KCNH6: variants seen among roughly 807,000 people sequenced by gnomAD.
KCNH6 encodes potassium voltage-gated channel subfamily H member 6.
A neutral mutation model predicts 83.4 loss-of-function variants in KCNH6; 81 were observed. That is an observed-to-expected ratio of 0.97 (90% CI 0.81 to 1.17). The LOEUF (loss-of-function observed/expected upper bound fraction) is 1.17. Among genes scored for constraint, KCNH6 ranks in the 50% most tolerant of loss-of-function variants. The probability of loss-of-function intolerance (pLI) is 0.00; values close to 1 mark genes in which losing one functional copy is unlikely to be tolerated. For synonymous variants in KCNH6, 503 were observed against 545.6 expected (o/e 0.92, Z 1.09); for missense variants, 1,203 against 1,290.5 (o/e 0.93, Z 1.04).
intron 4 of KCNH6, among the ~76,000 whole-genome samples, chr17:63,530,937 G>GT (rs2032065572): frequency 6.6e-6 from 1 of 152,130 alleles, no homozygotes; most frequent in Non-Finnish European, 1.5e-5. Flanking sequence ...AGGAGAGCTG[G>GT]TGTGGGGGGG....
chr17:63,542,353 T>A lies in KCNH6; in HGVS notation c.2067T>A (p.Asp689Glu). The change falls in exon 9 of 13, where the codon GAT (aspartate) becomes GAA (glutamate). Residue 689 changes from aspartate (D) to glutamate (E), a missense_variant. Physicochemically the swap from Asp to Glu is conservative, Grantham distance 45 (BLOSUM62 2). Coordinates refer to ENST00000314672, the MANE Select transcript of KCNH6 (RefSeq NM_001278919.2). ...YCDLHKIQRADLLEVLDMYPA... is the reference protein window; with the variant it reads ...YCDLHKIQRAELLEVLDMYPA... ...ACCTGCACAAGATCCAGCGGGCAGATCTGCTGGAGGTGCTGGACATGTACC... is the reference window on the plus strand; with the variant it reads ...ACCTGCACAAGATCCAGCGGGCAGAACTGCTGGAGGTGCTGGACATGTACC... 6.2e-7 allele frequency: 1 copy of A among 1,614,154 alleles called. No individual in the cohort carries two copies.
In KCNH6 at chr17:63,533,799, T is replaced by C; in HGVS notation, c.676-87T>C. 2 of 1,176,102 alleles carry C rather than the reference T, an allele frequency of 1.7e-6. No homozygotes were observed. The highest frequency in any genetic ancestry group is 2.4e-6 in the Non-Finnish European group (2 of 848,354). 72.9% of individuals were successfully genotyped at this position (1,176,102 alleles called of 1,614,324 possible). ...GCCGTGGTCACCCACCCTCTCCCAC[T>C]ACACCTTCCCCAGGCCTCAGCCCTC... On this transcript the variant is annotated intron_variant, in intron 4 of 12. Coordinates refer to ENST00000314672, the MANE Select transcript of KCNH6 (RefSeq NM_001278919.2). This position sits in a 1 kb window ranked among gnomAD's most constrained non-coding sequence, Gnocchi z 4.1.
At chr17:63,547,760 G>A (rs1345844432), downstream of KCNH6, among the ~76,000 whole-genome samples, 1 of 151,750 alleles carries the variant, frequency 6.6e-6, no homozygotes, top group Non-Finnish European at 1.5e-5. Context: ...ACCAGCCTGG[G>A]CAGCATAGCT....
At chr17:63,540,800 ATCAAAGCAG>A (rs1281297176) in intron 8 of KCNH6, among the ~76,000 whole-genome samples, 1 of 152,188 alleles carries the variant, frequency 6.6e-6, no homozygotes, top group East Asian at 1.9e-4. Context: ...GGGAGTGGGA[ATCAAAGCAG>A]TCATGCTCCG....
chr17:63,530,545 G>A lies in KCNH6; in HGVS notation c.675+3G>A, dbSNP rs1277646404. On this transcript the variant is annotated splice_donor_region_variant and intron_variant, in intron 4 of 12. Transcript: ENST00000314672. ...ACGTCACTGAGAAGGTCACCCAGGT[G>A]CGGGCCTGCAGAGCAGGGTGTGCAG... 1 of 1,613,862 alleles carries A rather than the reference G, an allele frequency of 6.2e-7. No individual in the cohort carries two copies. The highest frequency in any genetic ancestry group is 8.5e-7 in the Non-Finnish European group (1 of 1,179,950).
Position 63,538,569 on chromosome 17 carries a change from C to T in KCNH6, c.1861C>T (p.Leu621=). Residue 621 remains leucine, a synonymous_variant, in exon 8 of 13, where the codon CTG becomes TTG. Transcript: ENST00000314672. The surrounding 1 kb of genome is among the most constrained non-coding windows in gnomAD (Gnocchi z 4.0). ...KTTHAPPGDT[L]VHLGDVLSTL... ...CACCCACGCGCCGCCTGGGGACACG[C>T]TGGTGCACCTCGGCGACGTGCTCTC... is the stretch of plus-strand genomic sequence containing the variant. The T allele has an allele frequency of 6.2e-7, 1 of 1,612,994 alleles. No homozygotes were observed. The highest frequency in any genetic ancestry group is 8.5e-7 in the Non-Finnish European group (1 of 1,179,644).
intron 8 of KCNH6, 103 bp from the exon 9 acceptor site, chr17:63,542,138 G>C: frequency 8.1e-7 from 1 of 1,233,392 alleles, no homozygotes; most frequent in East Asian, 2.4e-5. Flanking sequence ...GCAGGCCCCG[G>C]CCTAGAAGGA....
At chr17:63,527,328 GC>G (rs1298971281) in intron 2 of KCNH6, among the ~76,000 whole-genome samples, 1 of 152,182 alleles carries the variant, frequency 6.6e-6, no homozygotes, top group African/African-American at 2.4e-5. Flanking sequence ...CAGCTTTTTG[GC>G]TTTTTGTAGC....
chr17:63,534,324 C>G lies in KCNH6; in HGVS notation c.1101+13C>G, dbSNP rs373503996. 6.3e-7 allele frequency: 1 copy of G among 1,599,098 alleles called. No individual in the cohort carries two copies. The highest frequency in any genetic ancestry group is 1.1e-5 in the South Asian group (1 of 88,418). ...TGGCTCCGATGAGGTGAGCAGACCC[C>G]CTCCAGGCCAGCAGCCATGGCTGTC... On this transcript the variant is annotated intron_variant, in intron 5 of 12. Transcript: ENST00000314672. The surrounding 1 kb of genome is among the most constrained non-coding windows in gnomAD (Gnocchi z 5.0).
At chr17:63,543,701 C>T (rs890712134) in intron 10 of KCNH6, 41 bp downstream of exon 10, 55 of 1,233,570 alleles carry the variant, frequency 4.5e-5, no homozygotes, top group Non-Finnish European at 6.5e-5. Flanking sequence ...CCTGTAGCCC[C>T]TGCCCAGCCT....
intron 2 of KCNH6, among the ~76,000 whole-genome samples, chr17:63,525,381 A>G (rs1232264215): frequency 6.6e-6 from 1 of 152,212 alleles, no homozygotes; most frequent in Non-Finnish European, 1.5e-5. Context: ...AGAGGAGAGA[A>G]AGGACCCCAG....
At chr17:63,543,928 G>A in intron 10 of KCNH6, 2 of 761,940 alleles carry the variant, frequency 2.6e-6, no homozygotes, top group East Asian at 2.7e-5. Context: ...GCCCCCTGAG[G>A]TTCCACACCA....
intron 2 of KCNH6, among the ~76,000 whole-genome samples, chr17:63,527,635 G>A (rs911039160): frequency 6.6e-6 from 1 of 152,206 alleles, no homozygotes; most frequent in African/African-American, 2.4e-5. Flanking sequence ...GGAAGAAGCA[G>A]GCAGAGACTG....
chr17:63,529,971 A>C, intron 2 of KCNH6, 120 bp from the exon 3 acceptor site: 1 of 1,066,740 alleles, frequency 9.4e-7, no homozygotes, highest in Non-Finnish European at 1.4e-6. Context: ...GTCACTGTCC[A>C]AGCCTCTTCA....
Position 63,530,420 on chromosome 17 carries a change from A to G in KCNH6, c.553A>G (p.Thr185Ala). ...YRTISQIPQF[T>A]LNFVEFNLEK... Reference sequence around the variant, plus strand: ...GACCATCAGCCAGATCCCACAGTTCACGCTCAACTTCGTGGAGTTCAACTT... The same window carrying G: ...GACCATCAGCCAGATCCCACAGTTCGCGCTCAACTTCGTGGAGTTCAACTT... The change falls in exon 4 of 13, where the codon ACG becomes GCG. Residue 185 changes from threonine (T) to alanine (A), a missense_variant. Thr to Ala is a moderately conservative substitution (Grantham distance 58). Coordinates refer to ENST00000314672, the MANE Select transcript of KCNH6 (RefSeq NM_001278919.2). 14 of 1,614,228 alleles carry G rather than the reference A, an allele frequency of 8.7e-6. No individual in the cohort carries two copies. The highest frequency in any genetic ancestry group is 1.1e-5 in the Non-Finnish European group (13 of 1,180,046).
chr17:63,531,141 C>T (rs2032080694), intron 4 of KCNH6, among the ~76,000 whole-genome samples: 1 of 152,238 alleles, frequency 6.6e-6, no homozygotes, highest in African/African-American at 2.4e-5. Context: ...CACCCCAAGG[C>T]AGGCTTCCCT....
Position 63,535,639 on chromosome 17 carries a change from A to G in KCNH6, c.1102-30A>G, listed in dbSNP as rs746480557. On this transcript the variant is annotated intron_variant, in intron 5 of 12. Transcript: ENST00000314672. The surrounding 1 kb of genome is among the most constrained non-coding windows in gnomAD (Gnocchi z 4.9). ...CTGCACCCTTCCAAGGGCTGACCCCAGCCCTGTGACCATTTCCCTACCCCT... is the reference window on the plus strand; with the variant it reads ...CTGCACCCTTCCAAGGGCTGACCCCGGCCCTGTGACCATTTCCCTACCCCT... 6.4e-7 allele frequency: 1 copy of G among 1,571,710 alleles called. No homozygotes were observed. The highest frequency in any genetic ancestry group is 8.7e-7 in the Non-Finnish European group (1 of 1,154,906).
rs1453029274 is a variant in KCNH6, at chr17:63,535,645, G to GA, written c.1102-24_1102-23insA. 4 of 1,577,864 alleles carry GA rather than the reference G, an allele frequency of 2.5e-6. No homozygotes were observed. Among genetic ancestry groups the GA allele is most frequent in the African/African-American group, 1.3e-5 (1 of 74,424 alleles). ...CCTTCCAAGGGCTGACCCCAGCCCT[G>GA]TGACCATTTCCCTACCCCTCCAGAC... On this transcript the variant is annotated intron_variant, in intron 5 of 12. Transcript: ENST00000314672. This position sits in a 1 kb window ranked among gnomAD's most constrained non-coding sequence, Gnocchi z 4.9.
rs1341300081 is a variant in KCNH6 at position 63,538,498 on chromosome 17, G to A, written c.1790G>A (p.Gly597Asp). The change falls in exon 8 of 13, where the codon GGC (glycine) becomes GAC (aspartate). Residue 597 changes from glycine (G) to aspartate (D), a missense_variant. Transcript: ENST00000314672. This position sits in a 1 kb window ranked among gnomAD's most constrained non-coding sequence, Gnocchi z 4.0. ...ALLQHCPAFS[G>D]AGKGCLRALA... Reference sequence around the variant, plus strand: ...CTGCAGCACTGCCCAGCTTTCAGCGGCGCCGGCAAGGGCTGCCTGCGCGCG... The same window carrying A: ...CTGCAGCACTGCCCAGCTTTCAGCGACGCCGGCAAGGGCTGCCTGCGCGCG... The A allele has an allele frequency of 1.2e-6, 2 of 1,602,470 alleles. No homozygotes were observed. The highest frequency in any genetic ancestry group is 1.7e-6 in the Non-Finnish European group (2 of 1,175,176).
Sources: gnomAD v4.1 joint callset for allele counts (sites outside exome capture counted in the v4.1 genomes callset) on GRCh38, gnomAD v4.1.1 for gene constraint, Gnocchi (gnomAD v3.1) non-coding constraint, MANE v1.5 for transcripts, NCBI Gene and HGNC (gene_info 2026-07-23, HGNC 2026-07-21) for gene names.